Variants in TUSC3 observed in about 807,000 individuals in gnomAD.
TUSC3 encodes the protein tumor suppressor candidate 3.
Under a neutral mutation model 44.8 loss-of-function variants are expected in TUSC3, and 45 were observed. The ratio of observed to expected loss-of-function variants is 1.00; its 90% CI spans 0.79 to 1.29. The LOEUF (loss-of-function observed/expected upper bound fraction) is 1.29, where lower values mean the gene tolerates loss of function less well. TUSC3 is among the 50% of genes most tolerant of loss of function. The pLI is 0.00. For missense variants in TUSC3, 519 were observed against 437.9 expected (o/e 1.19, Z -1.65); for synonymous variants, 212 against 152.9 (o/e 1.39, Z -2.85).
intron 2 of TUSC3, among the ~76,000 whole-genome samples, chr8:15,625,979 G>A (rs1441261417): frequency 2.0e-5 from 3 of 152,192 alleles, no homozygotes; most frequent in Admixed American, 1.3e-4. Context: ...ATACCTTAAC[G>A]ATGGCAGCAG....
chr8:15,781,945 C>G, the TUSC3 span, among the ~76,000 whole-genome samples: 1 of 152,118 alleles, frequency 6.6e-6, no homozygotes, highest in Non-Finnish European at 1.5e-5. Flanking sequence ...CCACCCTAGC[C>G]AAGATGGCAA....
intron 2 of TUSC3, among the ~76,000 whole-genome samples, chr8:15,510,324 A>T (rs568721047): frequency 1.3e-5 from 2 of 152,286 alleles, no homozygotes; most frequent in Admixed American, 6.5e-5. Context: ...TCTTTATGAG[A>T]TCAATACAAT....
chr8:15,563,685 C>CAAAAAAAAAAAAAAAAAAAAAA (rs150368776), intron 1 of TUSC3, among the ~76,000 whole-genome samples: 7 of 79,958 alleles, frequency 8.8e-5, no homozygotes, highest in Non-Finnish European at 1.1e-4. Context: ...GCCTCCATCT[C>CAAAAAAAAAAAAAAAAAAAAAA]AAAAAAAAAA....
intron 9 of TUSC3, among the ~76,000 whole-genome samples, chr8:15,755,951 G>T (rs1458955232): frequency 6.6e-6 from 1 of 152,068 alleles, no homozygotes; most frequent in East Asian, 1.9e-4. Context: ...GTTTCCTTTA[G>T]AAGATGTCTG....
the TUSC3 span, among the ~76,000 whole-genome samples, chr8:15,789,861 G>A: frequency 6.6e-6 from 1 of 152,162 alleles, no homozygotes; most frequent in South Asian, 2.1e-4. Context: ...CCCAACTGAT[G>A]CAGGGCAGAC....
chr8:15,661,232 A>G (rs780808501), intron 4 of TUSC3, among the ~76,000 whole-genome samples: 4 of 152,016 alleles, frequency 2.6e-5, no homozygotes, highest in Non-Finnish European at 5.9e-5. Context: ...ACCACTACCC[A>G]TATTACAATT....
chr8:15,825,731 G>C, the TUSC3 span, among the ~76,000 whole-genome samples: 1 of 151,932 alleles, frequency 6.6e-6, no homozygotes, highest in Admixed American at 6.6e-5. Context: ...TGCACATTGA[G>C]ATTACAAAGC....
At chr8:15,777,584 ACTTC>A in the TUSC3 span, among the ~76,000 whole-genome samples, 1 of 152,202 alleles carries the variant, frequency 6.6e-6, no homozygotes, top group Non-Finnish European at 1.5e-5. Context: ...AAATGATAGT[ACTTC>A]CTTTTTATTT....
intron 2 of TUSC3, among the ~76,000 whole-genome samples, chr8:15,509,351 G>A (rs530562801): frequency 6.6e-6 from 1 of 152,332 alleles, no homozygotes; most frequent in Non-Finnish European, 1.5e-5. Context: ...GCTCATGCCT[G>A]TAATCCGAAC....
intron 6 of TUSC3, among the ~76,000 whole-genome samples, chr8:15,716,981 T>C (rs188156206): frequency 6.6e-6 from 1 of 152,154 alleles, no homozygotes; most frequent in Non-Finnish European, 1.5e-5. Flanking sequence ...AAATGTATTG[T>C]ATATTTAGTT....
At chr8:15,815,981 G>T in the TUSC3 span, among the ~76,000 whole-genome samples, 2 of 152,068 alleles carry the variant, frequency 1.3e-5, no homozygotes, top group African/African-American at 4.8e-5. Flanking sequence ...TGCTTTTTCT[G>T]GCAGGGTTGT....
At chr8:15,523,726 A>ATATATATATATATATATAT (rs1563273722) in intron 2 of TUSC3, among the ~76,000 whole-genome samples, 1 of 134,674 alleles carries the variant, frequency 7.4e-6, no homozygotes, top group African/African-American at 2.9e-5. Flanking sequence ...ATATATATAT[A>ATATATATATATATATATAT]AAGTAGTTCT....
At chr8:15,785,926 AAG>A in the TUSC3 span, among the ~76,000 whole-genome samples, 2 of 152,208 alleles carry the variant, frequency 1.3e-5, no homozygotes, top group African/African-American at 2.4e-5. Context: ...AAAAGAAAAA[AAG>A]AATTTCCAAC....
At chr8:15,792,821 G>A in the TUSC3 span, among the ~76,000 whole-genome samples, 8 of 151,914 alleles carry the variant, frequency 5.3e-5, no homozygotes, top group South Asian at 2.1e-4. Context: ...GTTTTGCCAC[G>A]TTGCCCAAGC....
At chr8:15,470,870 C>A (rs1800482991) in intron 1 of TUSC3, among the ~76,000 whole-genome samples, 1 of 152,036 alleles carries the variant, frequency 6.6e-6, no homozygotes, top group African/African-American at 2.4e-5. Flanking sequence ...AGGACGGTGG[C>A]CTGGCCAGGG....
At chr8:15,802,213 G>C in the TUSC3 span, among the ~76,000 whole-genome samples, 2 of 152,134 alleles carry the variant, frequency 1.3e-5, no homozygotes, top group Non-Finnish European at 2.9e-5. Context: ...TGCTGTAAGA[G>C]TCACTGGGTG....
At chr8:15,419,332 G>A (rs1799695584) in intron 1 of TUSC3, among the ~76,000 whole-genome samples, 2 of 152,204 alleles carry the variant, frequency 1.3e-5, no homozygotes, top group Admixed American at 6.5e-5. Flanking sequence ...TACTTCAGCT[G>A]TTGCATAACT....
At chr8:15,662,070 C>A in intron 4 of TUSC3, 86 bp from the exon 5 acceptor site, 1 of 1,460,210 alleles carries the variant, frequency 6.8e-7, no homozygotes, top group Non-Finnish European at 9.5e-7. Flanking sequence ...GAGTTCTTTG[C>A]GTTGAAAATT....
intron 7 of TUSC3, among the ~76,000 whole-genome samples, chr8:15,740,772 A>G (rs1479527641): frequency 6.6e-6 from 1 of 152,160 alleles, no homozygotes; most frequent in African/African-American, 2.4e-5. Context: ...CAAAAATTCC[A>G]CTTATGGTTA....
Sources: allele counts gnomAD v4.1 joint callset (sites outside exome capture counted in the v4.1 genomes callset), GRCh38; gene constraint gnomAD v4.1.1; transcripts MANE v1.5; gene names NCBI Gene and HGNC (gene_info 2026-07-23, HGNC 2026-07-21).